Variants in CNTRL observed in about 807,000 individuals in gnomAD.
CNTRL encodes the protein 110 kDa centrosomal protein.
Under a neutral mutation model 303.7 loss-of-function variants are expected in CNTRL, and 233 were observed. The ratio of observed to expected loss-of-function variants is 0.77; its 90% CI spans 0.69 to 0.86. CNTRL has a LOEUF of 0.86. Among genes scored for constraint, CNTRL ranks in the 40% least tolerant of loss-of-function variants. The probability of loss-of-function intolerance (pLI) is 0.00; values close to 1 mark genes in which losing one functional copy is unlikely to be tolerated. For missense variants in CNTRL, 2,524 were observed against 2,650.6 expected, an observed-to-expected ratio of 0.95 and a Z score of 1.05; for synonymous variants, 900 against 922.2, an observed-to-expected ratio of 0.98 and a Z score of 0.44.
chr9:121,160,194 G>A lies in CNTRL; in HGVS notation c.4981G>A (p.Val1661Ile). Reference sequence around the variant, plus strand: ...GAGTTTTCAGAAAGGAGAACTAAATGTTCAGATTAGTGAAAGAAAAACTCA... The same window carrying A: ...GAGTTTTCAGAAAGGAGAACTAAATATTCAGATTAGTGAAAGAAAAACTCA... ...ELSFQKGELNVQISERKTQLT... is the reference protein window; with the variant it reads ...ELSFQKGELNIQISERKTQLT... The change falls in exon 32 of 44, where the codon GTT (valine) becomes ATT (isoleucine). Residue 1661 changes from valine to isoleucine, a missense_variant. Coordinates refer to ENST00000373855, the MANE Select transcript of CNTRL (RefSeq NM_007018.6). 1.3e-6 allele frequency: 2 copies of A among 1,552,736 alleles called. No homozygotes were observed. Among genetic ancestry groups the A allele is most frequent in the Non-Finnish European group, 1.7e-6 (2 of 1,156,600 alleles).
At position 121,173,301 on chromosome 9, in the gene CNTRL, C is replaced by G; in HGVS notation, c.6476C>G (p.Thr2159Arg). 2 of 1,613,984 alleles carry G rather than the reference C, an allele frequency of 1.2e-6. No individual in the cohort carries two copies. Among genetic ancestry groups the G allele is most frequent in the South Asian group, 2.2e-5 (2 of 91,076 alleles). ...ATGGAAATCAGTGATGCAATGAGGACACTTAAATCTGAGGTGAAGGATGAA... is the reference window on the plus strand; with the variant it reads ...ATGGAAATCAGTGATGCAATGAGGAGACTTAAATCTGAGGTGAAGGATGAA... ...RQMEISDAMR[T>R]LKSEVKDEIR... Residue 2159 changes from threonine (T) to arginine (R), a missense_variant, in exon 41 of 44, where the codon ACA becomes AGA. Thr to Arg is a moderately conservative substitution (Grantham distance 71, BLOSUM62 -1). Transcript: ENST00000373855.
chr9:121,138,954 A>G (rs930643610), intron 16 of CNTRL, among the ~76,000 whole-genome samples: 6 of 152,222 alleles, frequency 3.9e-5, no homozygotes, highest in Admixed American at 3.9e-4. Flanking sequence ...ACTCATGGGC[A>G]AAAGCAGTAT....
intron 23 of CNTRL, among the ~76,000 whole-genome samples, chr9:121,146,575 C>T (rs1234280504): frequency 6.6e-6 from 1 of 152,176 alleles, no homozygotes; most frequent in Non-Finnish European, 1.5e-5. Flanking sequence ...GAAAAAAAGG[C>T]ACCTGGATTT....
chr9:121,168,771 A>G (rs1422481742), intron 38 of CNTRL, among the ~76,000 whole-genome samples: 1 of 152,188 alleles, frequency 6.6e-6, no homozygotes, highest in Non-Finnish European at 1.5e-5. Context: ...CCATATATAA[A>G]TGAAGTTGAC....
At chr9:121,126,357 A>C (rs2133544473) in intron 14 of CNTRL, among the ~76,000 whole-genome samples, 1 of 152,300 alleles carries the variant, frequency 6.6e-6, no homozygotes, top group South Asian at 2.1e-4. Context: ...TATTGTTTTA[A>C]ATTATATCCT....
At chr9:121,091,937 G>A (rs1362182849) in intron 4 of CNTRL, among the ~76,000 whole-genome samples, 4 of 133,246 alleles carry the variant, frequency 3.0e-5, no homozygotes, top group African/African-American at 8.5e-5. Flanking sequence ...CATCTAGGCC[G>A]ATGCCCTCTC....
chr9:121,122,029 T>G, intron 12 of CNTRL: 1 of 547,778 alleles, frequency 1.8e-6, no homozygotes, highest in Non-Finnish European at 2.3e-6. Context: ...GTTTTTACAA[T>G]AACTCTTTTG....
At position 121,112,443 on chromosome 9, in the gene CNTRL, C is replaced by G; in HGVS notation, c.1003-16C>G. ...ACTGATCCTGTATGTTGTCTCATAT[C>G]AAATTGGGCCAATAGCTAAAACAGA... On this transcript the variant is annotated splice_polypyrimidine_tract_variant and intron_variant, in intron 8 of 43. Coordinates refer to ENST00000373855, the MANE Select transcript of CNTRL (RefSeq NM_007018.6). 1 of 1,610,382 alleles carries G rather than the reference C, an allele frequency of 6.2e-7. No individual in the cohort carries two copies. Among genetic ancestry groups the G allele is most frequent in the Non-Finnish European group, 8.5e-7 (1 of 1,177,480 alleles).
At chr9:121,153,926 T>TA (rs1483545304) in intron 26 of CNTRL, among the ~76,000 whole-genome samples, 1 of 152,204 alleles carries the variant, frequency 6.6e-6, no homozygotes, top group Non-Finnish European at 1.5e-5. Flanking sequence ...GGCAGATGGT[T>TA]ATGTCTGTTA....
intron 1 of CNTRL, among the ~76,000 whole-genome samples, chr9:121,077,193 A>G (rs1369112021): frequency 1.3e-5 from 2 of 152,110 alleles, no homozygotes; most frequent in East Asian, 3.8e-4. Flanking sequence ...TGCTCTGCAG[A>G]CAGCCTTTAA....
At position 121,167,581 on chromosome 9, in the gene CNTRL, A is replaced by G; in HGVS notation, c.5748A>G (p.Glu1916=). ...KDISEWANRF[E]DCQKEEETKQ... ...TCAGTGAATGGGCAAATAGGTTTGA[A>G]GACTGTCAGAAAGAAGAGGAGACAA... Residue 1916 remains glutamate, a synonymous_variant, in exon 37 of 44, where the codon GAA becomes GAG. Coordinates refer to ENST00000373855, the MANE Select transcript of CNTRL (RefSeq NM_007018.6). 2 of 1,614,210 alleles carry G rather than the reference A, an allele frequency of 1.2e-6. No individual in the cohort carries two copies. Among genetic ancestry groups the G allele is most frequent in the East Asian group, 4.5e-5 (2 of 44,880 alleles).
chr9:121,152,292 AAAATT>A, intron 25 of CNTRL, 188 bp from the exon 26 acceptor site: 2 of 573,298 alleles, frequency 3.5e-6, no homozygotes, highest in Non-Finnish European at 6.2e-6. Flanking sequence ...GACTGTTTGA[AAAATT>A]AAAGGTTCTA....
intron 11 of CNTRL, among the ~76,000 whole-genome samples, chr9:121,117,293 A>G (rs1204647291): frequency 6.6e-6 from 1 of 152,208 alleles, no homozygotes; most frequent in African/African-American, 2.4e-5. Flanking sequence ...AAGGTATTGC[A>G]GTTATGGGGA....
intron 26 of CNTRL, among the ~76,000 whole-genome samples, chr9:121,153,381 A>G (rs1588281721): frequency 1.3e-5 from 2 of 152,212 alleles, no homozygotes; most frequent in African/African-American, 4.8e-5. Context: ...GGTTTCCTCA[A>G]ACACCACGTT....
In CNTRL at chr9:121,157,825, G is replaced by A; in HGVS notation, c.4582G>A (p.Ala1528Thr). 2 of 1,614,204 alleles carry A rather than the reference G, an allele frequency of 1.2e-6. No individual in the cohort carries two copies. Among genetic ancestry groups the A allele is most frequent in the South Asian group, 1.1e-5 (1 of 91,080 alleles). The change falls in exon 29 of 44, where the codon GCA becomes ACA. Residue 1528 changes from alanine to threonine, a missense_variant. Ala to Thr is a moderately conservative substitution (Grantham distance 58). Transcript: ENST00000373855. ...GAAAGAAATAAACAAAATTGTAGCA[G>A]CAAAAGACTCAGACTTCCAATGTTT... The part of the protein sequence containing the change: ...ILKEINKIVA[A>T]KDSDFQCLSK...
At chr9:121,162,601 A>G (rs747847200) in intron 34 of CNTRL, among the ~76,000 whole-genome samples, 2 of 152,212 alleles carry the variant, frequency 1.3e-5, no homozygotes, top group Non-Finnish European at 2.9e-5. Flanking sequence ...GATTCAAAAC[A>G]GTTAACAATT....
chr9:121,100,464 G>T (rs920821223), intron 7 of CNTRL, among the ~76,000 whole-genome samples: 5 of 152,204 alleles, frequency 3.3e-5, no homozygotes, highest in Non-Finnish European at 5.9e-5. Context: ...ATGCCAAATT[G>T]TAAAGACCAT....
At chr9:121,118,824 CAACT>C (rs1588151749) in intron 12 of CNTRL, among the ~76,000 whole-genome samples, 1 of 152,034 alleles carries the variant, frequency 6.6e-6, no homozygotes, top group East Asian at 1.9e-4. Flanking sequence ...GACAGTATAA[CAACT>C]ATTCACATAG....
chr9:121,119,051 G>GTA (rs983755432), intron 12 of CNTRL, among the ~76,000 whole-genome samples: 2 of 150,036 alleles, frequency 1.3e-5, no homozygotes, highest in African/African-American at 2.4e-5. Context: ...GTATGTATGT[G>GTA]TATATATATG....
Sources: gnomAD v4.1 joint callset for allele counts (sites outside exome capture counted in the v4.1 genomes callset) on GRCh38, gnomAD v4.1.1 for gene constraint, MANE v1.5 for transcripts, NCBI Gene and HGNC (gene_info 2026-07-23, HGNC 2026-07-21) for gene names.